The following MAML2 variants were observed in gnomAD, a reference collection of about 807,000 sequenced individuals.
MAML2 encodes mastermind like transcriptional coactivator 2, also known as mastermind-like protein 2.
In MAML2, 22 loss-of-function variants were observed where a neutral mutation model predicts 96.1. The ratio of observed to expected loss-of-function variants is 0.23; its 90% CI spans 0.16 to 0.33. The LOEUF is 0.33. Among genes scored for constraint, MAML2 ranks in the 10% least tolerant of loss-of-function variants. MAML2 has a pLI of 1.00. For synonymous variants in MAML2, 561 were observed against 521.3 expected (o/e 1.08, Z -1.04); for missense variants, 1,367 against 1,392.4 (o/e 0.98, Z 0.29).
At chr11:96,207,695 A>T (rs964613922) in intron 1 of MAML2, among the ~76,000 whole-genome samples, 2 of 152,248 alleles carry the variant, frequency 1.3e-5, no homozygotes, top group African/African-American at 4.8e-5. Context: ...TCCAGGCAGT[A>T]TATGCATGGC....
At chr11:96,087,734 C>T (rs1204909990) in intron 2 of MAML2, among the ~76,000 whole-genome samples, 2 of 152,226 alleles carry the variant, frequency 1.3e-5, no homozygotes, top group African/African-American at 2.4e-5. Flanking sequence ...CTGACTTCCT[C>T]TAACCTATTC....
chr11:96,056,004 G>A (rs184634276), intron 2 of MAML2, among the ~76,000 whole-genome samples: 1 of 152,096 alleles, frequency 6.6e-6, no homozygotes, highest in African/African-American at 2.4e-5. Context: ...TATATTATTT[G>A]TCAGGGATCA....
Position 96,121,666 on chromosome 11 carries a change from C to T in MAML2, c.514-28149G>A, listed in dbSNP as rs1860341579. Among the ~76,000 whole-genome samples the T allele has an allele frequency of 3.3e-5, 5 of 151,168 alleles. 1 individual carries two copies. In the South Asian group the frequency reaches 8.4e-4, roughly 25 times the overall value. ...TGCTCTGGCATCTTTCAGGTCACCA[C>T]AGTGAGGCATTCTTTTTCGCAACAT... On this transcript the variant is annotated intron_variant, in intron 1 of 4. Transcript: ENST00000524717.
At chr11:96,032,255 G>A (rs577427324) in intron 2 of MAML2, among the ~76,000 whole-genome samples, 68 of 152,082 alleles carry the variant, frequency 4.5e-4, no homozygotes, top group South Asian at 1.9e-3. Context: ...CCATATGACC[G>A]AAGAATCCCA....
At chr11:96,088,230 T>G (rs1212060618) in intron 2 of MAML2, among the ~76,000 whole-genome samples, 1 of 152,190 alleles carries the variant, frequency 6.6e-6, no homozygotes, top group Non-Finnish European at 1.5e-5. Flanking sequence ...AAATTTATGT[T>G]TCAGTCATAA....
chr11:96,075,876 C>T (rs1859426565), intron 2 of MAML2, among the ~76,000 whole-genome samples: 1 of 152,170 alleles, frequency 6.6e-6, no homozygotes, highest in Non-Finnish European at 1.5e-5. Flanking sequence ...ATTCAGATAG[C>T]GCCTTGCATA....
In MAML2 at chr11:96,341,814, C is replaced by T; in HGVS notation, c.82G>A (p.Val28Ile). 6.3e-7 allele frequency: 1 copy of T among 1,597,576 alleles called. No homozygotes were observed. The change falls in exon 1 of 5, where the codon GTC (valine) becomes ATC (isoleucine). Residue 28 changes from valine (V) to isoleucine (I), a missense_variant. Transcript: ENST00000524717. ...SGAGLLGGGS[V>I]TPRVHSAIVE... Reference sequence around the variant, plus strand: ...ATAGCACTGTGCACTCTCGGGGTGACTGAGCCCCCTCCAAGGAGCCCCGCC... The same window carrying T: ...ATAGCACTGTGCACTCTCGGGGTGATTGAGCCCCCTCCAAGGAGCCCCGCC...
At position 95,979,682 on chromosome 11, in the gene MAML2, T is replaced by A. The variant is rs769713174; in HGVS notation, c.2737A>T (p.Thr913Ser). The A allele has an allele frequency of 6.2e-7, 1 of 1,613,972 alleles. No individual in the cohort carries two copies. The highest frequency in any genetic ancestry group is 8.5e-7 in the Non-Finnish European group (1 of 1,179,882). Residue 913 changes from threonine to serine, a missense_variant, in exon 5 of 5, where the codon ACC (threonine) becomes TCC (serine). By Grantham distance (58) the Thr-to-Ser change is moderately conservative (BLOSUM62 1). Transcript: ENST00000524717. Reference protein sequence around the residue: ...QNNPMMPRPPTLGPSNNNNVA... With the variant: ...QNNPMMPRPPSLGPSNNNNVA... ...TTGTTATTATTACTTGGCCCTAAGG[T>A]AGGTGGCCGTGGCATCATAGGGTTG...
chr11:96,296,041 A>T (rs2135994825), intron 1 of MAML2, among the ~76,000 whole-genome samples: 1 of 151,578 alleles, frequency 6.6e-6, no homozygotes, highest in African/African-American at 2.4e-5. Flanking sequence ...TTCTCATTCT[A>T]TTTCATTTTT....
At chr11:96,059,419 T>A (rs1194533687) in intron 2 of MAML2, among the ~76,000 whole-genome samples, 4 of 152,218 alleles carry the variant, frequency 2.6e-5, no homozygotes, top group African/African-American at 7.2e-5. Context: ...GTCAGATTTT[T>A]AAAACCCCTA....
intron 1 of MAML2, among the ~76,000 whole-genome samples, chr11:96,264,731 G>A (rs548099286): frequency 6.6e-6 from 1 of 152,246 alleles, no homozygotes; most frequent in Non-Finnish European, 1.5e-5. Context: ...ATTGAAGTAG[G>A]AGTCATGACC....
intron 1 of MAML2, among the ~76,000 whole-genome samples, chr11:96,233,214 A>T (rs1862320578): frequency 6.6e-6 from 1 of 152,242 alleles, no homozygotes; most frequent in South Asian, 2.1e-4. Flanking sequence ...TGTTCTAGAG[A>T]CTAACATGAC....
chr11:95,984,366 C>G (rs1191325454), intron 4 of MAML2, among the ~76,000 whole-genome samples: 1 of 152,224 alleles, frequency 6.6e-6, no homozygotes, highest in Non-Finnish European at 1.5e-5. Context: ...TATCTTTCAG[C>G]CTCCTTGAGA....
At chr11:96,110,406 T>A (rs912125698) in intron 1 of MAML2, among the ~76,000 whole-genome samples, 2 of 152,232 alleles carry the variant, frequency 1.3e-5, no homozygotes, top group African/African-American at 2.4e-5. Flanking sequence ...TCTTTCACTT[T>A]ATGTTGTTCC....
chr11:96,283,283 T>G (rs1035336728), intron 1 of MAML2, among the ~76,000 whole-genome samples: 3 of 152,366 alleles, frequency 2.0e-5, no homozygotes, highest in South Asian at 2.1e-4. Flanking sequence ...TTGTCTATTT[T>G]AATCTCACAT....
At chr11:96,282,752 C>T (rs1376107295) in intron 1 of MAML2, among the ~76,000 whole-genome samples, 1 of 152,098 alleles carries the variant, frequency 6.6e-6, no homozygotes, top group Non-Finnish European at 1.5e-5. Flanking sequence ...TTTAAATGAC[C>T]TCAAAAAATT....
intron 1 of MAML2, among the ~76,000 whole-genome samples, chr11:96,250,864 A>G (rs1238565821): frequency 6.6e-6 from 1 of 152,190 alleles, no homozygotes; most frequent in Non-Finnish European, 1.5e-5. Context: ...TTTTCTTCAT[A>G]TTGCAAAAAG....
intron 1 of MAML2, among the ~76,000 whole-genome samples, chr11:96,254,578 T>TA (rs1218441221): frequency 4.1e-4 from 62 of 150,050 alleles, no homozygotes; most frequent in African/African-American, 1.5e-3. Context: ...TGCCCCATTC[T>TA]AAAAACAAAA....
At position 96,341,653 on chromosome 11, in the gene MAML2, C is replaced by T; in HGVS notation, c.243G>A (p.Gln81=). Residue 81 remains glutamine (Q), a synonymous_variant, in exon 1 of 5, where the codon CAG becomes CAA. Transcript: ENST00000524717. The stretch of plus-strand genomic sequence containing the variant: ...CAGCTTTCCTTGCCCCCTGGCCATG[C>T]TGTACAAGGCTCAGGAGCTGCAAGG... ...ESTLQLLSLV[Q]HGQGARKAGK... 1 of 1,566,858 alleles carries T rather than the reference C, an allele frequency of 6.4e-7. No individual in the cohort carries two copies. The highest frequency in any genetic ancestry group is 8.7e-7 in the Non-Finnish European group (1 of 1,155,040).
Sources: gnomAD v4.1 joint callset for allele counts (sites outside exome capture counted in the v4.1 genomes callset) on GRCh38, gnomAD v4.1.1 for gene constraint, MANE v1.5 for transcripts, NCBI Gene and HGNC (gene_info 2026-07-23, HGNC 2026-07-21) for gene names.